CTCF: variants seen among roughly 807,000 people sequenced by gnomAD.
CTCF encodes the protein CCCTC-binding factor, also known as transcriptional repressor CTCF.
Under a neutral mutation model 72.3 loss-of-function variants are expected in CTCF, and 7 were observed. That is an observed-to-expected ratio of 0.10 (90% CI 0.06 to 0.18). The LOEUF (loss-of-function observed/expected upper bound fraction) is 0.18, where lower values mean the gene tolerates loss of function less well. Ranked by LOEUF, CTCF falls within the 10% of genes least tolerant of loss-of-function variation. The pLI is 1.00. For missense variants in CTCF, 516 were observed against 949.1 expected (o/e 0.54, Z 6.00); for synonymous variants, 374 against 315.8 (o/e 1.18, Z -1.95).
intron 2 of CTCF, 84 bp from the exon 3 acceptor site, chr16:67,610,740 A>G: frequency 9.9e-7 from 1 of 1,009,458 alleles, no homozygotes; most frequent in Non-Finnish European, 1.4e-6. Context: ...TTCATTCACC[A>G]AAGGGTCTTT....
intron 2 of CTCF, among the ~76,000 whole-genome samples, chr16:67,587,606 G>T: frequency 6.8e-6 from 1 of 147,922 alleles, no homozygotes; most frequent in South Asian, 2.1e-4. Flanking sequence ...AATATTGGTT[G>T]TACCCAAAAT....
chr16:67,566,390 A>G (rs1056354440), intron 1 of CTCF, among the ~76,000 whole-genome samples: 1 of 151,242 alleles, frequency 6.6e-6, no homozygotes, highest in Non-Finnish European at 1.5e-5. Flanking sequence ...TGTTTCTGTA[A>G]TCCCAGCTAC....
intron 2 of CTCF, among the ~76,000 whole-genome samples, chr16:67,578,004 C>T (rs1013459578): frequency 6.6e-5 from 10 of 152,102 alleles, no homozygotes; most frequent in Non-Finnish European, 1.2e-4. Context: ...TAAAGAATCC[C>T]TTAACTTTGT....
chr16:67,638,920 T>A lies in CTCF; in HGVS notation c.*1048T>A, dbSNP rs2052468345. On this transcript the variant is annotated 3_prime_UTR_variant, in exon 12 of 12. Coordinates refer to ENST00000264010, the MANE Select transcript of CTCF (RefSeq NM_006565.4). ...TCTTGCACATGAACTGTCACATGTT[T>A]AAAAATGTGTTTTTTAGAGAGCCTC... 1 of 205,354 alleles carries A rather than the reference T, an allele frequency of 4.9e-6. No individual in the cohort carries two copies. The highest frequency in any genetic ancestry group is 6.0e-5 in the Admixed American group (1 of 16,770). The allele number at this position is 205,354 out of a possible 1,614,324, so 12.7% of individuals were successfully genotyped here.
At chr16:67,628,931 GC>G (rs2052326470) in intron 9 of CTCF, among the ~76,000 whole-genome samples, 1 of 152,010 alleles carries the variant, frequency 6.6e-6, no homozygotes, top group African/African-American at 2.4e-5. Context: ...GCGGTGGCGG[GC>G]CCCTGTACTC....
chr16:67,589,049 T>G (rs923095758), intron 2 of CTCF, among the ~76,000 whole-genome samples: 6 of 151,942 alleles, frequency 3.9e-5, no homozygotes, highest in Non-Finnish European at 8.8e-5. Context: ...CCCAACATGT[T>G]GGGAGGCTGA....
chr16:67,578,533 G>A (rs1451395288), intron 2 of CTCF, among the ~76,000 whole-genome samples: 3 of 151,426 alleles, frequency 2.0e-5, no homozygotes, highest in Admixed American at 1.3e-4. Flanking sequence ...GGATTTCACC[G>A]TGTTGGCCAG....
chr16:67,610,417 A>G lies in CTCF; in HGVS notation c.-9-407A>G, dbSNP rs985365960. Among the ~76,000 whole-genome samples the G allele has an allele frequency of 8.1e-5, 12 of 148,430 alleles. No homozygotes were observed. In the East Asian group the frequency reaches 1.4e-3, roughly 17 times the overall value. ...CCCCACGCTGGAGCGCAGTGGTGCA[A>G]TCTCGGCTCACTGCAAGCTCCGCCT... is the stretch of plus-strand genomic sequence containing the variant. On this transcript the variant is annotated intron_variant, in intron 2 of 11. Transcript: ENST00000264010.
At position 67,633,225 on chromosome 16, in the gene CTCF, G is replaced by A. The variant is rs1201879996; in HGVS notation, c.1838-3465G>A. Among the ~76,000 whole-genome samples, 5 of 151,820 alleles carry A rather than the reference G, an allele frequency of 3.3e-5. No individual in the cohort carries two copies. The South Asian group carries it at 1.0e-3, about 31-fold the overall frequency. On this transcript the variant is annotated intron_variant, in intron 10 of 11. Coordinates refer to ENST00000264010, the MANE Select transcript of CTCF (RefSeq NM_006565.4). ...TGGTAGACTATAGGTTACGGAGCAG[G>A]ATTAAATGAGTTCCGTGAGTCCTGT...
Position 67,576,470 on chromosome 16 carries a change from G to A in CTCF, c.-10+5206G>A, listed in dbSNP as rs375603073. Among the ~76,000 whole-genome samples the A allele has an allele frequency of 2.0e-5, 3 of 150,532 alleles. No homozygotes were observed. In the East Asian group the frequency reaches 5.8e-4, roughly 29 times the overall value. On this transcript the variant is annotated intron_variant, in intron 2 of 11. Transcript: ENST00000264010. The stretch of plus-strand genomic sequence containing the variant: ...ACTTTTTTTCTTTTCTTAGATTAAA[G>A]CAGAATTACCAAAATCTGGCTATAA...
intron 1 of CTCF, among the ~76,000 whole-genome samples, chr16:67,569,035 T>G (rs2051378690): frequency 6.6e-6 from 1 of 151,844 alleles, no homozygotes; most frequent in Non-Finnish European, 1.5e-5. Flanking sequence ...GAGACAAGGT[T>G]CCACTATGTT....
chr16:67,608,303 A>G (rs1242280577), intron 2 of CTCF, among the ~76,000 whole-genome samples: 1 of 151,308 alleles, frequency 6.6e-6, no homozygotes, highest in African/African-American at 2.4e-5. Flanking sequence ...TAGCCTGGGC[A>G]ACAGAGCGAG....
chr16:67,629,243 T>C (rs2052331077), intron 9 of CTCF, among the ~76,000 whole-genome samples, 155 bp from the exon 10 acceptor site: 1 of 152,126 alleles, frequency 6.6e-6, no homozygotes, highest in East Asian at 1.9e-4. Context: ...AACCCAGCCT[T>C]ATCCATTTCC....
At position 67,624,133 on chromosome 16, in the gene CTCF, ATG is replaced by A. The variant is rs549592119; in HGVS notation, c.1358-2410_1358-2409del. On this transcript the variant is annotated intron_variant, in intron 7 of 11. Coordinates refer to ENST00000264010, the MANE Select transcript of CTCF (RefSeq NM_006565.4). The stretch of plus-strand genomic sequence containing the variant: ...TGTGTGTGTATGTGTGTGTATATAT[ATG>A]TGTGTGTGTGTATATATGTGTGTAT... Among the ~76,000 whole-genome samples the A allele has an allele frequency of 1.5e-3, 202 of 133,498 alleles. 1 individual carries two copies. Among genetic ancestry groups the A allele is most frequent in the Admixed American group, 2.3e-3 (30 of 13,282 alleles). The allele number at this position is 133,498 out of a possible 152,430, so 87.6% of individuals were successfully genotyped here. A position where few individuals can be genotyped will look rare whatever the true frequency, so the allele number is the denominator to read the frequency against.
intron 2 of CTCF, among the ~76,000 whole-genome samples, chr16:67,582,539 A>G (rs555077053): frequency 6.6e-6 from 1 of 152,076 alleles, no homozygotes; most frequent in Non-Finnish European, 1.5e-5. Flanking sequence ...CTAAAAATAT[A>G]AAAATCAGCC....
intron 2 of CTCF, among the ~76,000 whole-genome samples, chr16:67,600,016 G>A (rs887608815): frequency 1.3e-5 from 2 of 152,094 alleles, no homozygotes; most frequent in Non-Finnish European, 2.9e-5. Context: ...ACTCAGAGAC[G>A]AAGGGAGCTA....
intron 2 of CTCF, among the ~76,000 whole-genome samples, chr16:67,575,163 C>T (rs991933129): frequency 6.6e-6 from 1 of 152,098 alleles, no homozygotes; most frequent in Non-Finnish European, 1.5e-5. Context: ...GCCGGAGGAT[C>T]GTCTGAGCTG....
intron 2 of CTCF, among the ~76,000 whole-genome samples, chr16:67,583,054 G>A (rs1273598897): frequency 2.7e-5 from 4 of 147,522 alleles, no homozygotes; most frequent in African/African-American, 1.0e-4. Flanking sequence ...GTGCGATCTC[G>A]GCTCACTGCA....
intron 2 of CTCF, among the ~76,000 whole-genome samples, chr16:67,585,882 C>G (rs112726101): frequency 0.042 from 6,353 of 151,962 alleles, 137 homozygotes; most frequent in Non-Finnish European, 0.055. Flanking sequence ...TAATTTTTTT[C>G]TCCCTGTCCC....
Sources: gnomAD v4.1 joint callset for allele counts (sites outside exome capture counted in the v4.1 genomes callset) on GRCh38, gnomAD v4.1.1 for gene constraint, MANE v1.5 for transcripts, NCBI Gene and HGNC (gene_info 2026-07-23, HGNC 2026-07-21) for gene names.